The following CFAP47 variants were observed in gnomAD, a reference collection of about 807,000 sequenced individuals.
The protein encoded by CFAP47 is cilia and flagella associated protein 47, also known as cilia- and flagella-associated protein 47.
In CFAP47, 29 loss-of-function variants were observed where a neutral mutation model predicts 148.1. That is an observed-to-expected ratio of 0.20 (90% CI 0.15 to 0.27). The LOEUF (loss-of-function observed/expected upper bound fraction) is 0.27. CFAP47 is among the 10% of genes least tolerant of loss of function. The pLI is 1.00. For missense variants in CFAP47, 1,872 were observed against 1,697.5 expected (o/e 1.10, Z -1.81); for synonymous variants, 664 against 577.3 (o/e 1.15, Z -2.15).
chrX:36,234,058 C>A (rs1460626752), intron 46 of CFAP47, among the ~76,000 whole-genome samples: 10 of 109,820 alleles, frequency 9.1e-5, no homozygotes, highest in Non-Finnish European at 1.5e-4. Context: ...TTTTTTCCTT[C>A]ATTTCAACTT....
At chrX:36,212,881 G>A (rs1940118126) in intron 45 of CFAP47, among the ~76,000 whole-genome samples, 1 of 111,060 alleles carries the variant, frequency 9.0e-6, no homozygotes, top group Admixed American at 9.7e-5. Flanking sequence ...GGGAGGCCAA[G>A]GTGGGTAGAT....
chrX:35,975,552 G>A (rs1333882382), intron 14 of CFAP47, 120 bp from the exon 15 acceptor site: 3 of 759,088 alleles, frequency 4.0e-6, no homozygotes, highest in Non-Finnish European at 5.7e-6. Flanking sequence ...CATAATTAAA[G>A]TATTACGTGC....
intron 33 of CFAP47, among the ~76,000 whole-genome samples, chrX:36,128,285 C>A (rs1488996913): frequency 1.8e-5 from 2 of 111,021 alleles, no homozygotes; most frequent in Non-Finnish European, 3.8e-5. Context: ...TTATTTTTCT[C>A]TGAACACTGT....
intron 2 of CFAP47, among the ~76,000 whole-genome samples, chrX:35,936,506 A>G (rs1935914658): frequency 9.6e-6 from 1 of 103,689 alleles, no homozygotes; most frequent in African/African-American, 3.6e-5. Flanking sequence ...CCTGAGGTTC[A>G]TCTTGGTTGA....
At chrX:36,021,399 T>C (rs1291716421) in intron 22 of CFAP47, among the ~76,000 whole-genome samples, 1 of 110,766 alleles carries the variant, frequency 9.0e-6, no homozygotes, top group African/African-American at 3.3e-5. Context: ...ACCTCCTGGG[T>C]TCAAGTGATT....
chrX:36,218,228 CCTTG>C (rs1200020894), intron 45 of CFAP47, among the ~76,000 whole-genome samples: 2 of 112,151 alleles, frequency 1.8e-5, no homozygotes. Flanking sequence ...GTCAGCAATC[CCTTG>C]CTTCTTTCCA....
intron 17 of CFAP47, among the ~76,000 whole-genome samples, chrX:35,992,390 T>G (rs956980089): frequency 3.6e-5 from 4 of 110,574 alleles, no homozygotes; most frequent in African/African-American, 9.8e-5. Flanking sequence ...GTGGTGATTT[T>G]TTTTTTTAAA....
chrX:36,005,586 G>C (rs1357178272), intron 21 of CFAP47, among the ~76,000 whole-genome samples: 1 of 111,508 alleles, frequency 9.0e-6, no homozygotes, highest in African/African-American at 3.3e-5. Flanking sequence ...CTTGTTTCAT[G>C]ACACTCTATG....
chrX:36,291,545 G>T (rs1390471335), intron 51 of CFAP47, among the ~76,000 whole-genome samples: 1 of 109,910 alleles, frequency 9.1e-6, no homozygotes, highest in African/African-American at 3.3e-5. Flanking sequence ...TCATGCCTCT[G>T]CCTTCTTCCG....
intron 56 of CFAP47, among the ~76,000 whole-genome samples, chrX:36,314,968 C>T (rs1200698097): frequency 9.0e-6 from 1 of 111,525 alleles, no homozygotes; most frequent in Non-Finnish European, 1.9e-5. Flanking sequence ...AGATTTAAGC[C>T]AGTAACAGTG....
At chrX:36,015,768 G>C (rs1333057846) in intron 22 of CFAP47, among the ~76,000 whole-genome samples, 1 of 111,552 alleles carries the variant, frequency 9.0e-6, no homozygotes, top group Non-Finnish European at 1.9e-5. Context: ...GAATTAGGTA[G>C]ATAAGCTTTC....
At chrX:36,264,767 A>G (rs1240002580) in intron 49 of CFAP47, among the ~76,000 whole-genome samples, 3 of 111,834 alleles carry the variant, frequency 2.7e-5, no homozygotes, top group African/African-American at 6.5e-5. Flanking sequence ...TTCTGTGCAG[A>G]TAAGTGTTAA....
chrX:36,157,680 T>C (rs762882717), intron 37 of CFAP47, among the ~76,000 whole-genome samples: 4 of 111,024 alleles, frequency 3.6e-5, no homozygotes, highest in South Asian at 3.8e-4. Context: ...GCAGGAATAG[T>C]GGTGTTTTTT....
chrX:35,959,558 C>T (rs1319749930), intron 8 of CFAP47, among the ~76,000 whole-genome samples: 1 of 111,579 alleles, frequency 9.0e-6, no homozygotes, highest in African/African-American at 3.3e-5. Flanking sequence ...CCTGTAATCC[C>T]AGCACTTTGG....
At chrX:36,149,380 C>G (rs970849599) in intron 37 of CFAP47, among the ~76,000 whole-genome samples, 157 bp downstream of exon 37, 9 of 110,629 alleles carry the variant, frequency 8.1e-5, no homozygotes, top group African/African-American at 3.0e-4. Flanking sequence ...TCTACAATTC[C>G]TCACCAAAGT....
At position 36,150,327 on chromosome X, in the gene CFAP47, C is replaced by T. The variant is rs369299476; in HGVS notation, c.5786+1104C>T. Among the ~76,000 whole-genome samples, 6 of 111,873 alleles carry T rather than the reference C, an allele frequency of 5.4e-5. 1 individual carries two copies. In the East Asian group the frequency reaches 1.4e-3, roughly 26 times the overall value. On this transcript the variant is annotated intron_variant, in intron 37 of 63. Coordinates refer to ENST00000378653, the MANE Select transcript of CFAP47 (RefSeq NM_001304548.2). ...ACAAATCATGTTGGATATGCCAACA[C>T]ATGCTAATGACATAAATACTCTTGT... is the stretch of plus-strand genomic sequence containing the variant.
intron 46 of CFAP47, among the ~76,000 whole-genome samples, chrX:36,232,477 T>C (rs1940378931): frequency 8.9e-6 from 1 of 111,899 alleles, no homozygotes; most frequent in Admixed American, 9.5e-5. Context: ...TATCATTTTT[T>C]ATTGCGTCTA....
intron 21 of CFAP47, among the ~76,000 whole-genome samples, chrX:36,010,110 C>A (rs193147827): frequency 9.0e-6 from 1 of 110,939 alleles, no homozygotes; most frequent in Non-Finnish European, 1.9e-5. Flanking sequence ...AGTTTAAAAA[C>A]GTCATTAGAA....
rs186249537 is a variant in CFAP47 at position 36,031,793 on chromosome X, G to T, written c.3651+446G>T. Among the ~76,000 whole-genome samples the T allele has an allele frequency of 5.8e-3, 593 of 102,072 alleles. 6 individuals carry two copies. The highest frequency in any genetic ancestry group is 0.023 in the African/African-American group (568 of 25,219). 88.6% of individuals were successfully genotyped at this position (102,072 alleles called of 115,157 possible). Reference sequence around the variant, plus strand: ...ATTGAGTTACTATTTTTTCTTAAAGGATATCTCTGCCTCTCTTCTAATTAG... The same window carrying T: ...ATTGAGTTACTATTTTTTCTTAAAGTATATCTCTGCCTCTCTTCTAATTAG... On this transcript the variant is annotated intron_variant, in intron 23 of 63. Coordinates refer to ENST00000378653, the MANE Select transcript of CFAP47 (RefSeq NM_001304548.2).
Sources: allele counts gnomAD v4.1 joint callset (sites outside exome capture counted in the v4.1 genomes callset), GRCh38; gene constraint gnomAD v4.1.1; transcripts MANE v1.5; gene names NCBI Gene and HGNC (gene_info 2026-07-23, HGNC 2026-07-21).